The following SGPP1 variants were observed in gnomAD, a reference collection of about 807,000 sequenced individuals.
The protein encoded by SGPP1 is hSPP1.
A neutral mutation model predicts 33.0 loss-of-function variants in SGPP1; 21 were observed. That is an observed-to-expected ratio of 0.64 (90% confidence interval 0.45 to 0.92). SGPP1 has a LOEUF of 0.92. Ranked by LOEUF, SGPP1 falls within the 40% of genes least tolerant of loss-of-function variation. The pLI is 0.00. For missense variants in SGPP1, 543 were observed against 589.4 expected (o/e 0.92, Z 0.81); for synonymous variants, 239 against 241.2 (o/e 0.99, Z 0.08).
intron 1 of SGPP1, among the ~76,000 whole-genome samples, chr14:63,719,735 C>A (rs952864705): frequency 2.8e-5 from 4 of 141,454 alleles, no homozygotes; most frequent in East Asian, 1.9e-4. Flanking sequence ...CCCTCTCTCT[C>A]TCTATATATA....
chr14:63,722,162 G>A (rs1045329162), intron 1 of SGPP1, among the ~76,000 whole-genome samples: 2 of 152,124 alleles, frequency 1.3e-5, no homozygotes, highest in South Asian at 2.1e-4. Context: ...GAACATTGGG[G>A]TATTATAGAA....
In SGPP1 at chr14:63,727,519, G is replaced by A; in HGVS notation, c.426C>T (p.Leu142=). The change falls in exon 1 of 3, where the codon CTC becomes CTT. Residue 142 remains leucine (L), a synonymous_variant. Coordinates refer to ENST00000247225, the MANE Select transcript of SGPP1 (RefSeq NM_030791.4). ...FCFGTELGNE[L]FYILFFPFWI... is the part of the protein sequence containing the mutation. ...AGAAGGGGAAGAACAGGATGTAGAA[G>A]AGTTCGTTGCCCAGCTCCGTGCCGA... The A allele has an allele frequency of 1.2e-6, 2 of 1,614,152 alleles. No individual in the cohort carries two copies. The highest frequency in any genetic ancestry group is 1.1e-5 in the South Asian group (1 of 91,092).
In SGPP1 at chr14:63,710,085, C is replaced by CTAGG. The variant is rs200514431; in HGVS notation, c.685-11428_685-11427insCCTA. Among the ~76,000 whole-genome samples, 1,212 of 152,216 alleles carry CTAGG rather than the reference C, an allele frequency of 8.0e-3. 10 individuals carry two copies. Among genetic ancestry groups the CTAGG allele is most frequent in the Non-Finnish European group, 0.011 (770 of 67,990 alleles). ...GCAGGCACAGGAAAGAATTTCTGTT[C>CTAGG]AATTCTAGGAATGAATAGTGTACAT... On this transcript the variant is annotated intron_variant, in intron 1 of 2. Coordinates refer to ENST00000247225, the MANE Select transcript of SGPP1 (RefSeq NM_030791.4).
chr14:63,701,469 T>A (rs1885298491), intron 1 of SGPP1, among the ~76,000 whole-genome samples: 1 of 152,136 alleles, frequency 6.6e-6, no homozygotes. Flanking sequence ...AGTTGAGATT[T>A]GAGGCAAGAC....
intron 1 of SGPP1, among the ~76,000 whole-genome samples, chr14:63,713,108 C>T (rs1566823664): frequency 6.6e-6 from 1 of 152,054 alleles, no homozygotes; most frequent in Non-Finnish European, 1.5e-5. Context: ...TGACAAGAAA[C>T]TGGTCCTGAT....
chr14:63,707,930 A>G (rs1008748018), intron 1 of SGPP1, among the ~76,000 whole-genome samples: 1 of 152,134 alleles, frequency 6.6e-6, no homozygotes, highest in African/African-American at 2.4e-5. Flanking sequence ...CTCGGCACTC[A>G]GGAAAAAGTG....
At chr14:63,716,450 C>T (rs1566535564) in intron 1 of SGPP1, among the ~76,000 whole-genome samples, 1 of 151,988 alleles carries the variant, frequency 6.6e-6, no homozygotes, top group Non-Finnish European at 1.5e-5. Context: ...GCCAATATCA[C>T]ACCTCTGCAC....
At position 63,694,900 on chromosome 14, in the gene SGPP1, G is replaced by A. The variant is rs75667283; in HGVS notation, c.774+3669C>T. Among the ~76,000 whole-genome samples, 884 of 152,126 alleles carry A rather than the reference G, an allele frequency of 5.8e-3. 9 individuals carry two copies. Among genetic ancestry groups the A allele is most frequent in the African/African-American group, 0.02 (823 of 41,500 alleles). ...AGGTTATCGTCAATTTATGGTAGAT[G>A]ATATTAAATACCATACATTTAATGA... On this transcript the variant is annotated intron_variant, in intron 2 of 2. Coordinates refer to ENST00000247225, the MANE Select transcript of SGPP1 (RefSeq NM_030791.4).
intron 1 of SGPP1, among the ~76,000 whole-genome samples, chr14:63,716,485 C>T (rs191244199): frequency 2.6e-5 from 4 of 151,984 alleles, no homozygotes; most frequent in Admixed American, 2.0e-4. Context: ...CAGAGCAAGA[C>T]TCAGTCTCAA....
chr14:63,711,921 T>C (rs1039422018), intron 1 of SGPP1, among the ~76,000 whole-genome samples: 4 of 150,232 alleles, frequency 2.7e-5, no homozygotes, highest in African/African-American at 9.8e-5. Flanking sequence ...TCCCAGCTAC[T>C]GGGGAGGCTG....
intron 1 of SGPP1, among the ~76,000 whole-genome samples, chr14:63,725,270 G>T (rs1885856266): frequency 6.6e-6 from 1 of 152,094 alleles, no homozygotes; most frequent in South Asian, 2.1e-4. Context: ...AGCTACTCGG[G>T]AGGCTGAGGC....
chr14:63,703,867 G>A (rs1048049293), intron 1 of SGPP1, among the ~76,000 whole-genome samples: 1 of 146,216 alleles, frequency 6.8e-6, no homozygotes, highest in Non-Finnish European at 1.5e-5. Flanking sequence ...ACCCAGGCTG[G>A]AGTGCAATCT....
At position 63,686,168 on chromosome 14, in the gene SGPP1, T is replaced by G. The variant is rs765162399; in HGVS notation, c.1263A>C (p.Gly421=). Residue 421 remains glycine (G), a synonymous_variant, in exon 3 of 3, where the codon GGA becomes GGC. Coordinates refer to ENST00000247225, the MANE Select transcript of SGPP1 (RefSeq NM_030791.4). ...AAAATGTGATGGAGAAACCAACCAT[T>G]CCATAGGTAATATACCGATAAGGAA... The part of the protein sequence containing the change: ...VELPYRYITY[G]MVGFSITFFV... 3 of 1,612,926 alleles carry G rather than the reference T, an allele frequency of 1.9e-6. No individual in the cohort carries two copies. Among genetic ancestry groups the G allele is most frequent in the Non-Finnish European group, 2.5e-6 (3 of 1,179,508 alleles).
At chr14:63,699,743 T>G (rs1031093826) in intron 1 of SGPP1, among the ~76,000 whole-genome samples, 59 of 150,804 alleles carry the variant, frequency 3.9e-4, no homozygotes, top group African/African-American at 1.2e-3. Context: ...TTTTTTTGGT[T>G]GTTGTTGTTT....
intron 1 of SGPP1, among the ~76,000 whole-genome samples, chr14:63,718,965 T>C (rs1215973644): frequency 2.4e-4 from 27 of 111,060 alleles, no homozygotes; most frequent in Non-Finnish European, 3.0e-4. Context: ...AAAATTCATA[T>C]ATATGTATAT....
intron 1 of SGPP1, among the ~76,000 whole-genome samples, chr14:63,701,948 T>TA (rs1251022184): frequency 0.038 from 4,029 of 107,324 alleles, 99 homozygotes; most frequent in African/African-American, 0.077. Flanking sequence ...CCAAAAGAAG[T>TA]AAAAAAAAAA....
chr14:63,710,509 G>A (rs983803357), intron 1 of SGPP1, among the ~76,000 whole-genome samples: 14 of 152,192 alleles, frequency 9.2e-5, no homozygotes, highest in African/African-American at 3.1e-4. Context: ...AAAAGGAGAT[G>A]CATTAAAAGG....
rs111422957 is a variant in SGPP1, at chr14:63,699,766, T to A, written c.685-1108A>T. 8.6e-5 allele frequency among the ~76,000 whole-genome samples: 13 copies of A among 150,470 alleles called. No individual in the cohort carries two copies. The South Asian group carries it at 2.6e-3, about 30-fold the overall frequency. ...GTTGTTGTTGTTTTTTTTACATATC[T>A]ACTACATTTAACATGGTCCCTCACT... On this transcript the variant is annotated intron_variant, in intron 1 of 2. Coordinates refer to ENST00000247225, the MANE Select transcript of SGPP1 (RefSeq NM_030791.4).
rs752709768 is a variant in SGPP1 at position 63,686,543 on chromosome 14, G to C, written c.888C>G (p.Ile296Met). 1 of 1,614,002 alleles carries C rather than the reference G, an allele frequency of 6.2e-7. No homozygotes were observed. Among genetic ancestry groups the C allele is most frequent in the South Asian group, 1.1e-5 (1 of 91,076 alleles). ...AGATCCCCAAAGCTAAATGAAGCCC[G>C]ATGATGATGAATGGAGCATATTTGT... Reference protein sequence around the residue: ...QTHKYAPFIIIGLHLALGIFS... With the variant: ...QTHKYAPFIIMGLHLALGIFS... The change falls in exon 3 of 3, where the codon ATC becomes ATG. Residue 296 changes from isoleucine (I) to methionine (M), a missense_variant. Coordinates refer to ENST00000247225, the MANE Select transcript of SGPP1 (RefSeq NM_030791.4).
Sources: gnomAD v4.1 joint callset for allele counts (sites outside exome capture counted in the v4.1 genomes callset) on GRCh38, gnomAD v4.1.1 for gene constraint, MANE v1.5 for transcripts, NCBI Gene and HGNC (gene_info 2026-07-23, HGNC 2026-07-21) for gene names.